The following JAK1 variants were observed in gnomAD, a reference collection of about 807,000 sequenced individuals.
JAK1 encodes the protein Janus kinase 1.
A neutral mutation model predicts 136.6 loss-of-function variants in JAK1; 16 were observed. That is an observed-to-expected ratio of 0.12 (90% CI 0.08 to 0.18). The LOEUF is 0.18. JAK1 is among the 10% of genes least tolerant of loss of function. JAK1 has a pLI of 1.00. For synonymous variants in JAK1, 492 were observed against 519.5 expected, an observed-to-expected ratio of 0.95 and a Z score of 0.72; for missense variants, 859 against 1,450.1, an observed-to-expected ratio of 0.59 and a Z score of 6.62.
At chr1:64,944,758 C>T (rs973718867) in intron 1 of JAK1, among the ~76,000 whole-genome samples, 4 of 151,962 alleles carry the variant, frequency 2.6e-5, no homozygotes, top group African/African-American at 7.3e-5. Context: ...GATACACACA[C>T]GATTGAGAGG....
At chr1:65,024,105 AT>A (rs1417928581) in intron 2 of JAK1, among the ~76,000 whole-genome samples, 1 of 151,952 alleles carries the variant, frequency 6.6e-6, no homozygotes, top group Admixed American at 6.6e-5. Context: ...GCGGCCATAT[AT>A]TTCCATGTTT....
At chr1:64,859,946 G>C in intron 9 of JAK1, 159 bp downstream of exon 9, 2 of 495,272 alleles carry the variant, frequency 4.0e-6, no homozygotes. Flanking sequence ...TTACAGGAAG[G>C]CCTGACCAGA....
At chr1:64,874,180 CA>C (rs781142136) in intron 4 of JAK1, among the ~76,000 whole-genome samples, 58 of 152,170 alleles carry the variant, frequency 3.8e-4, no homozygotes, top group Middle Eastern at 3.4e-3. Context: ...ACTGAGATTC[CA>C]AGAGGCTAGG....
In JAK1 at chr1:64,846,711, A is replaced by G. The variant is rs754980003; in HGVS notation, c.1925T>C (p.Met642Thr). Residue 642 changes from methionine (M) to threonine (T), a missense_variant, in exon 14 of 25, where the codon ATG becomes ACG. This residue lies in a region of JAK1 where 409 missense variants were observed against 753.8 expected (regional missense o/e 0.54). Coordinates refer to ENST00000342505, the MANE Select transcript of JAK1 (RefSeq NM_002227.4). Reference protein sequence around the residue: ...SLAFFEAASMMRQVSHKHIVY... With the variant: ...SLAFFEAASMTRQVSHKHIVY... ...GATGTGTTTGTGGGAGACCTGTCTCATCATGCTGGCTGCCTCGAAGAAGGC... is the reference window on the plus strand; with the variant it reads ...GATGTGTTTGTGGGAGACCTGTCTCGTCATGCTGGCTGCCTCGAAGAAGGC... The G allele has an allele frequency of 1.9e-6, 3 of 1,613,228 alleles. No individual in the cohort carries two copies. Among genetic ancestry groups the G allele is most frequent in the Non-Finnish European group, 2.5e-6 (3 of 1,179,340 alleles).
At chr1:64,959,727 C>A (rs1174236855) in intron 1 of JAK1, among the ~76,000 whole-genome samples, 1 of 152,166 alleles carries the variant, frequency 6.6e-6, no homozygotes, top group Admixed American at 6.5e-5. Context: ...TACCTAGCAC[C>A]TTTGGCACTG....
At chr1:64,982,322 T>C (rs1202625922) in intron 2 of JAK1, among the ~76,000 whole-genome samples, 1 of 152,174 alleles carries the variant, frequency 6.6e-6, no homozygotes, top group Non-Finnish European at 1.5e-5. Flanking sequence ...TTATGTGATT[T>C]GGGAGGGGCA....
At chr1:64,865,030 A>G in intron 7 of JAK1, 58 bp from the exon 8 acceptor site, 1 of 1,408,030 alleles carries the variant, frequency 7.1e-7, no homozygotes, top group Non-Finnish European at 9.9e-7. Flanking sequence ...TCTATTGGTA[A>G]AAGGTCAGTG....
chr1:64,904,733 C>CCA (rs1286542139), intron 1 of JAK1, among the ~76,000 whole-genome samples: 1 of 114,970 alleles, frequency 8.7e-6, no homozygotes, highest in African/African-American at 2.5e-5. Context: ...TTCACATTCC[C>CCA]CACACACATA....
chr1:64,977,716 C>A (rs1473429845), intron 2 of JAK1, among the ~76,000 whole-genome samples: 1 of 152,120 alleles, frequency 6.6e-6, no homozygotes, highest in Non-Finnish European at 1.5e-5. Flanking sequence ...CAGGCGTGAG[C>A]CACCGCGCCT....
intron 3 of JAK1, among the ~76,000 whole-genome samples, chr1:64,881,891 G>C (rs1644778499): frequency 6.6e-6 from 1 of 152,008 alleles, no homozygotes; most frequent in Admixed American, 6.6e-5. Flanking sequence ...TTGGCGAAGA[G>C]AATAAACAAT....
At chr1:64,898,376 G>A (rs1043709111) in intron 1 of JAK1, among the ~76,000 whole-genome samples, 3 of 152,202 alleles carry the variant, frequency 2.0e-5, no homozygotes, top group African/African-American at 7.2e-5. Flanking sequence ...GAAACCAGAG[G>A]CCAGGAGGCC....
intron 1 of JAK1, among the ~76,000 whole-genome samples, chr1:65,053,417 A>C (rs1221608023): frequency 6.6e-6 from 1 of 152,062 alleles, no homozygotes; most frequent in Non-Finnish European, 1.5e-5. Context: ...GCACCTGTAA[A>C]TATGAATAGA....
rs1471469356 is a variant in JAK1 at position 64,834,447 on chromosome 1, A to ACTT, written c.*112_*114dup. On this transcript the variant is annotated 3_prime_UTR_variant, in exon 25 of 25. Coordinates refer to ENST00000342505, the MANE Select transcript of JAK1 (RefSeq NM_002227.4). ...TATGTACTGAAGTATGAGTTCAGTGACTTTTTGGACAGAACACAAACTTCT... is the reference window on the plus strand; with the variant it reads ...TATGTACTGAAGTATGAGTTCAGTGACTTCTTTTTGGACAGAACACAAACTTCT... 4.3e-6 allele frequency: 3 copies of ACTT among 692,362 alleles called. No individual in the cohort carries two copies. The highest frequency in any genetic ancestry group is 5.1e-6 in the Non-Finnish European group (2 of 390,776). The allele number at this position is 692,362 out of a possible 1,614,324, so 42.9% of individuals were successfully genotyped here.
intron 1 of JAK1, among the ~76,000 whole-genome samples, chr1:64,944,513 T>C (rs1022248956): frequency 6.6e-6 from 1 of 152,158 alleles, no homozygotes; most frequent in African/African-American, 2.4e-5. Flanking sequence ...ATACAAGATT[T>C]AGCCAGAAGG....
chr1:65,033,354 A>T (rs79770951), intron 2 of JAK1, among the ~76,000 whole-genome samples: 4,081 of 151,996 alleles, frequency 0.027, 177 homozygotes, highest in African/African-American at 0.094. Flanking sequence ...AAATTTTAAA[A>T]TTTTTTTATT....
At chr1:65,067,712 TTC>T (rs1357879878) in exon 1 of JAK1, 8 of 151,110 alleles carry the variant, frequency 5.3e-5, no homozygotes, top group Admixed American at 4.0e-4. Context: ...GTCGCCATTT[TTC>T]TGTTTTTATT....
intron 2 of JAK1, among the ~76,000 whole-genome samples, chr1:65,035,504 G>A (rs1647064831): frequency 6.6e-6 from 1 of 152,158 alleles, no homozygotes; most frequent in South Asian, 2.1e-4. Context: ...GGGAAACGTT[G>A]AGCAAATCAG....
At chr1:65,015,571 T>C (rs971014497) in intron 2 of JAK1, among the ~76,000 whole-genome samples, 2 of 152,176 alleles carry the variant, frequency 1.3e-5, no homozygotes, top group African/African-American at 4.8e-5. Flanking sequence ...AAAATATTAG[T>C]AACTAATATC....
At chr1:64,850,652 G>C in intron 12 of JAK1, 152 bp downstream of exon 12, 1 of 639,956 alleles carries the variant, frequency 1.6e-6, no homozygotes, top group Non-Finnish European at 2.8e-6. Context: ...GGAGGCAATG[G>C]TTGTACGGCT....
Sources: allele counts gnomAD v4.1 joint callset (sites outside exome capture counted in the v4.1 genomes callset), GRCh38; gene constraint gnomAD v4.1.1; regional missense constraint gnomAD v4.1.1; transcripts MANE v1.5; gene names NCBI Gene and HGNC (gene_info 2026-07-23, HGNC 2026-07-21).